EPHB4: variants seen among roughly 807,000 people sequenced by gnomAD.
EPHB4 encodes EPH receptor B4, also known as ephrin type-B receptor 4.
EPHB4 carries 50 observed loss-of-function variants against 110.6 expected under a neutral mutation model. The ratio of observed to expected loss-of-function variants is 0.45; its 90% CI spans 0.36 to 0.57. The LOEUF is 0.57. EPHB4 is among the 20% of genes least tolerant of loss of function. The probability of loss-of-function intolerance (pLI) is 0.00; values close to 1 mark genes in which losing one functional copy is unlikely to be tolerated. For missense variants in EPHB4, 1,128 were observed against 1,382.1 expected (o/e 0.82, Z 2.91); for synonymous variants, 592 against 578.4 (o/e 1.02, Z -0.34).
At chr7:100,807,011 G>A (rs892650150) in intron 13 of EPHB4, among the ~76,000 whole-genome samples, 1 of 152,048 alleles carries the variant, frequency 6.6e-6, no homozygotes, top group African/African-American at 2.4e-5. Flanking sequence ...CGCCCAGTCT[G>A]CAGTACAGTG....
chr7:100,820,122 C>G lies in EPHB4; in HGVS notation c.964+19G>C. ...GTGACCCCTCCCCAGTGAACTGCAC[C>G]TGGGTGCTGGTCACTTACTGGTGCA... On this transcript the variant is annotated intron_variant, in intron 5 of 16. Coordinates refer to ENST00000358173, the MANE Select transcript of EPHB4 (RefSeq NM_004444.5). 1 of 1,611,742 alleles carries G rather than the reference C, an allele frequency of 6.2e-7. No individual in the cohort carries two copies. The highest frequency in any genetic ancestry group is 8.5e-7 in the Non-Finnish European group (1 of 1,178,988).
chr7:100,816,956 G>A (rs908433431), intron 8 of EPHB4, among the ~76,000 whole-genome samples: 5 of 151,936 alleles, frequency 3.3e-5, no homozygotes, highest in East Asian at 1.9e-4. Context: ...GGTGGCAGGC[G>A]CCTGTAATCC....
chr7:100,805,186 C>T lies in EPHB4; in HGVS notation c.2814G>A (p.Leu938=), dbSNP rs745848604. 3 of 1,613,154 alleles carry T rather than the reference C, an allele frequency of 1.9e-6. No homozygotes were observed. In the Admixed American group the frequency reaches 5.0e-5, roughly 27 times the overall value. ...FAAAGFGSFE[L]VSQISAEDLL... ...CTTACTCAGCAGAGATCTGGCTGACCAGCTCGAAGGAGCCAAAGCCAGCGG... is the reference window on the plus strand; with the variant it reads ...CTTACTCAGCAGAGATCTGGCTGACTAGCTCGAAGGAGCCAAAGCCAGCGG... Residue 938 remains leucine, a synonymous_variant, in exon 16 of 17, where the codon CTG becomes CTA. Transcript: ENST00000358173.
chr7:100,818,088 G>A (rs954284805), intron 7 of EPHB4, among the ~76,000 whole-genome samples: 10 of 149,886 alleles, frequency 6.7e-5, no homozygotes, highest in African/African-American at 1.7e-4. Flanking sequence ...GGATGGTCTC[G>A]ATACTCCTGA....
chr7:100,813,254 TG>T, intron 10 of EPHB4, 46 bp from the exon 11 acceptor site: 1 of 1,487,638 alleles, frequency 6.7e-7, no homozygotes, highest in Non-Finnish European at 9.2e-7. Flanking sequence ...TAACTCCCAC[TG>T]GACTCGGAGG....
In EPHB4 at chr7:100,822,277, A is replaced by C. The variant is rs201816920; in HGVS notation, c.802T>G (p.Cys268Gly). The C allele has an allele frequency of 2.6e-6, 4 of 1,560,588 alleles. No homozygotes were observed. The highest frequency in any genetic ancestry group is 8.7e-7 in the Non-Finnish European group (1 of 1,151,712). The change falls in exon 4 of 17, where the codon TGC becomes GGC. Residue 268 changes from cysteine to glycine, a missense_variant. Cys to Gly is a radical substitution (Grantham distance 159). This residue lies in a region of EPHB4 where 728 missense variants were observed against 828.6 expected (regional missense o/e 0.88). Coordinates refer to ENST00000358173, the MANE Select transcript of EPHB4 (RefSeq NM_004444.5). The surrounding 1 kb of genome is among the most constrained non-coding windows in gnomAD (Gnocchi z 4.7). ...GFEAAEGNTK[C>G]RACAQGTFKP... Reference sequence around the variant, plus strand: ...GGGAAGCTCCAGCTCTCACCTCGGCACTTGGTGTTCCCCTCAGCTGCCTCG... The same window carrying C: ...GGGAAGCTCCAGCTCTCACCTCGGCCCTTGGTGTTCCCCTCAGCTGCCTCG...
At chr7:100,805,354 AC>A (rs1263605928) in intron 15 of EPHB4, 33 bp from the exon 16 acceptor site, 1 of 1,611,984 alleles carries the variant, frequency 6.2e-7, no homozygotes, top group Admixed American at 1.7e-5. Context: ...AATGCTGAGT[AC>A]CAGGCCCAGG....
At chr7:100,811,707 A>G (rs917136758) in intron 12 of EPHB4, among the ~76,000 whole-genome samples, 12 of 151,706 alleles carry the variant, frequency 7.9e-5, no homozygotes, top group African/African-American at 2.7e-4. Context: ...TGTCTCTACA[A>G]AAAATTTTAA....
chr7:100,818,759 G>C (rs1584662819), intron 6 of EPHB4, 115 bp from the exon 7 acceptor site: 1 of 1,330,756 alleles, frequency 7.5e-7, no homozygotes, highest in Non-Finnish European at 1.0e-6. Context: ...CTGGAGTGCA[G>C]TGGCGCAGTC....
At chr7:100,810,857 G>A (rs186145151) in intron 12 of EPHB4, among the ~76,000 whole-genome samples, 2 of 152,328 alleles carry the variant, frequency 1.3e-5, no homozygotes, top group East Asian at 1.9e-4. Flanking sequence ...CTAGAGAAAC[G>A]TGAAAATCAA....
At chr7:100,817,420 G>C in intron 7 of EPHB4, 63 bp from the exon 8 acceptor site, 1 of 1,476,450 alleles carries the variant, frequency 6.8e-7, no homozygotes, top group East Asian at 2.7e-5. Context: ...TGCTCTTCCT[G>C]CCTCCTTCCC....
At chr7:100,813,485 G>C in intron 10 of EPHB4, 167 bp downstream of exon 10, 3 of 753,336 alleles carry the variant, frequency 4.0e-6, no homozygotes, top group Admixed American at 2.3e-5. Context: ...CTGGCTGACT[G>C]ATGTATTTTT....
In EPHB4 at chr7:100,813,984, C is replaced by G; in HGVS notation, c.1626G>C (p.Ala542=). ...EGWREQLALI[A]GTAVVGVVLV... is the part of the protein sequence containing the mutation. ...GGACCACACCCACGACTGCCGTGCCCGCAATCAGGGCCAGCTGCTCCCGCC... is the reference window on the plus strand; with the variant it reads ...GGACCACACCCACGACTGCCGTGCCGGCAATCAGGGCCAGCTGCTCCCGCC... Residue 542 remains alanine (A), a synonymous_variant, in exon 9 of 17, where the codon GCG becomes GCC. Transcript: ENST00000358173. The G allele has an allele frequency of 1.2e-6, 2 of 1,614,150 alleles. No individual in the cohort carries two copies. The highest frequency in any genetic ancestry group is 1.7e-6 in the Non-Finnish European group (2 of 1,180,040).
At chr7:100,824,315 G>A in intron 1 of EPHB4, 42 bp from the exon 2 acceptor site, 1 of 1,606,066 alleles carries the variant, frequency 6.2e-7, no homozygotes, top group Non-Finnish European at 8.5e-7. Flanking sequence ...TGGGGTGGGG[G>A]AGGGAGGTCA....
In EPHB4 at chr7:100,807,431, C is replaced by T. The variant is rs554530916; in HGVS notation, c.2268G>A (p.Val756=). The T allele has an allele frequency of 6.8e-6, 11 of 1,613,966 alleles. No homozygotes were observed. Among genetic ancestry groups the T allele is most frequent in the East Asian group, 2.2e-5 (1 of 44,830 alleles). The change falls in exon 13 of 17, where the codon GTG becomes GTA. Residue 756 remains valine (V), a synonymous_variant. Transcript: ENST00000358173. The part of the protein sequence containing the change: ...ILVNSNLVCK[V]SDFGLSRFLE... ...GGAATCGGGAAAGGCCAAAGTCAGA[C>T]ACTTTGCAGACGAGGTTGCTGTTGA...
In EPHB4 at chr7:100,806,490, C is replaced by G; in HGVS notation, c.2414G>C (p.Ser805Thr). ...RKFTSASDAW[S>T]YGIVMWEVMS... ...CACCTCCCACATCACAATCCCGTAA[C>G]TCCAGGCATCACTGGCGGAAGTGAA... The change falls in exon 14 of 17, where the codon AGT becomes ACT. Residue 805 changes from serine (S) to threonine (T), a missense_variant. Physicochemically the swap from Ser to Thr is moderately conservative, Grantham distance 58 (BLOSUM62 1). Coordinates refer to ENST00000358173, the MANE Select transcript of EPHB4 (RefSeq NM_004444.5). 1 of 1,614,188 alleles carries G rather than the reference C, an allele frequency of 6.2e-7. No individual in the cohort carries two copies. The highest frequency in any genetic ancestry group is 8.5e-7 in the Non-Finnish European group (1 of 1,180,038).
chr7:100,824,291 A>C lies in EPHB4; in HGVS notation c.53-18T>G. 6.2e-7 allele frequency: 1 copy of C among 1,613,562 alleles called. No homozygotes were observed. The highest frequency in any genetic ancestry group is 8.5e-7 in the Non-Finnish European group (1 of 1,179,676). ...CAGGGTCTCTGAGACAGACAGAGAG[A>C]CAGAGTCAGTGCCTGGGGTGGGGGA... is the stretch of plus-strand genomic sequence containing the variant. On this transcript the variant is annotated intron_variant, in intron 1 of 16. Coordinates refer to ENST00000358173, the MANE Select transcript of EPHB4 (RefSeq NM_004444.5).
rs141544967 is a variant in EPHB4, at chr7:100,818,570, G to A, written c.1372C>T (p.Arg458Trp). 6.1e-5 allele frequency: 98 copies of A among 1,613,798 alleles called. 1 individual carries two copies. Among genetic ancestry groups the A allele is most frequent in the East Asian group, 2.9e-4 (13 of 44,872 alleles). Residue 458 changes from arginine (R) to tryptophan (W), a missense_variant, in exon 7 of 17, where the codon CGG (arginine) becomes TGG (tryptophan). Arg to Trp is a moderately radical substitution (Grantham distance 101, BLOSUM62 -3). Around this residue, in one of 3 missense-constraint regions of EPHB4, gnomAD observed 728 missense variants for 828.6 expected, o/e 0.88. Transcript: ENST00000358173. ...TCCAGCACAGCCCCACTGGGTGCCC[G>A]GGGAACAGCCCAGGCCAGGCTCAAG... is the stretch of plus-strand genomic sequence containing the variant. ...SSLSLAWAVP[R>W]APSGAVLDYE...
At chr7:100,813,561 C>T (rs897927511) in intron 10 of EPHB4, 91 bp downstream of exon 10, 108 of 1,407,778 alleles carry the variant, frequency 7.7e-5, no homozygotes, top group Non-Finnish European at 9.3e-5. Context: ...AGTGATCTGC[C>T]CACCTCTGCC....
Sources: gnomAD v4.1 joint callset for allele counts (sites outside exome capture counted in the v4.1 genomes callset) on GRCh38, gnomAD v4.1.1 for gene constraint, gnomAD v4.1.1 regional missense constraint, Gnocchi (gnomAD v3.1) non-coding constraint, MANE v1.5 for transcripts, NCBI Gene and HGNC (gene_info 2026-07-23, HGNC 2026-07-21) for gene names.